Variants in CCNI2 observed in about 807,000 individuals in gnomAD.
The protein encoded by CCNI2 is cyclin I family member 2.
A neutral mutation model predicts 33.2 loss-of-function variants in CCNI2; 32 were observed. That is an observed-to-expected ratio of 0.96 (90% CI 0.73 to 1.30). The LOEUF is 1.30. Among genes scored for constraint, CCNI2 ranks in the 50% most tolerant of loss-of-function variants. The pLI, the probability that CCNI2 is intolerant of heterozygous loss-of-function variation, is 0.00. For missense variants in CCNI2, 452 were observed against 486.2 expected, an observed-to-expected ratio of 0.93 and a Z score of 0.66; for synonymous variants, 231 against 219.9, an observed-to-expected ratio of 1.05 and a Z score of -0.45.
chr5:132,747,588 G>A lies in CCNI2; in HGVS notation c.93G>A (p.Glu31=). 6.7e-7 allele frequency: 1 copy of A among 1,497,714 alleles called. No homozygotes were observed. Among genetic ancestry groups the A allele is most frequent in the Non-Finnish European group, 8.9e-7 (1 of 1,129,700 alleles). 92.8% of individuals were successfully genotyped at this position (1,497,714 alleles called of 1,614,324 possible). ...SPGGRPGAGL[E]ETALGVPLPP... The stretch of plus-strand genomic sequence containing the variant: ...GCGGGCGTCCCGGCGCCGGTCTGGA[G>A]GAAACAGCCCTGGGCGTTCCTCTCC... Residue 31 remains glutamate (E), a synonymous_variant, in exon 1 of 6, where the codon GAG becomes GAA. Transcript: ENST00000378731. The surrounding 1 kb of genome is among the most constrained non-coding windows in gnomAD (Gnocchi z 4.1).
intron 4 of CCNI2, chr5:132,751,710 T>G: frequency 1.8e-6 from 1 of 568,510 alleles, no homozygotes; most frequent in Non-Finnish European, 3.1e-6. Flanking sequence ...AACATTGTCA[T>G]CTAGGTACTT....
At chr5:132,750,615 A>G (rs145931983) in intron 3 of CCNI2, among the ~76,000 whole-genome samples, 36 of 152,350 alleles carry the variant, frequency 2.4e-4, no homozygotes, top group African/African-American at 8.7e-4. Context: ...ATGAGCTAGC[A>G]TGCAGCTGGG....
Position 132,754,112 on chromosome 5 carries a change from A to T in CCNI2, c.*1142A>T. On this transcript the variant is annotated 3_prime_UTR_variant, in exon 6 of 6. Transcript: ENST00000378731. The stretch of plus-strand genomic sequence containing the variant: ...TAGTATACATCTGTATTTTTTCTTG[A>T]CACACTTTTGCTTGTTGGTGCTTTC... The T allele has an allele frequency of 2.9e-6, 1 of 349,740 alleles. No homozygotes were observed. Among genetic ancestry groups the T allele is most frequent in the Non-Finnish European group, 5.3e-6 (1 of 188,390 alleles). The allele number at this position is 349,740 out of a possible 1,614,324, so 21.7% of individuals were successfully genotyped here.
Position 132,747,520 on chromosome 5 carries a change from C to T in CCNI2, c.25C>T (p.Pro9Ser). Residue 9 changes from proline to serine, a missense_variant, in exon 1 of 6, where the codon CCG (proline) becomes TCG (serine). By Grantham distance (74) the Pro-to-Ser change is moderately conservative (BLOSUM62 -1). Coordinates refer to ENST00000378731, the MANE Select transcript of CCNI2 (RefSeq NM_001039780.4). This position sits in a 1 kb window ranked among gnomAD's most constrained non-coding sequence, Gnocchi z 4.1. MASGAQLP[P>S]QPSSSEVSAV... The stretch of plus-strand genomic sequence containing the variant: ...CATGGCCTCGGGCGCTCAGCTCCCG[C>T]CGCAGCCGTCGAGCTCAGAGGTCAG... 6.7e-7 allele frequency: 1 copy of T among 1,499,040 alleles called. No homozygotes were observed. The highest frequency in any genetic ancestry group is 8.8e-7 in the Non-Finnish European group (1 of 1,132,384). 92.9% of individuals were successfully genotyped at this position (1,499,040 alleles called of 1,614,324 possible).
At chr5:132,748,262 C>A in intron 1 of CCNI2, 85 bp from the exon 2 acceptor site, 1 of 1,562,588 alleles carries the variant, frequency 6.4e-7, no homozygotes, top group Non-Finnish European at 8.7e-7. Context: ...ACCCCCCGCA[C>A]CTTAAGCAGG....
Position 132,747,460 on chromosome 5 carries a change from T to TA in CCNI2, c.-34dup, listed in dbSNP as rs1378484289. 2 of 1,405,288 alleles carry TA rather than the reference T, an allele frequency of 1.4e-6. No homozygotes were observed. The allele number at this position is 1,405,288 out of a possible 1,614,324, so 87.1% of individuals were successfully genotyped here. On this transcript the variant is annotated 5_prime_UTR_variant, in exon 1 of 6. Coordinates refer to ENST00000378731, the MANE Select transcript of CCNI2 (RefSeq NM_001039780.4). This position sits in a 1 kb window ranked among gnomAD's most constrained non-coding sequence, Gnocchi z 4.1. Reference sequence around the variant, plus strand: ...GGAGCTGGGTTATAAAATGCCGGGTTAAGCGGCAACTCAGACTCAGGATCC... The same window carrying TA: ...GGAGCTGGGTTATAAAATGCCGGGTTAAAGCGGCAACTCAGACTCAGGATCC...
chr5:132,747,464 C>T lies in CCNI2; in HGVS notation c.-32C>T. On this transcript the variant is annotated 5_prime_UTR_variant, in exon 1 of 6. Transcript: ENST00000378731. This position sits in a 1 kb window ranked among gnomAD's most constrained non-coding sequence, Gnocchi z 4.1. ...CTGGGTTATAAAATGCCGGGTTAAG[C>T]GGCAACTCAGACTCAGGATCCCGCT... is the stretch of plus-strand genomic sequence containing the variant. 16 of 1,411,284 alleles carry T rather than the reference C, an allele frequency of 1.1e-5. No individual in the cohort carries two copies. Among genetic ancestry groups the T allele is most frequent in the Non-Finnish European group, 1.5e-5 (16 of 1,089,396 alleles). 87.4% of individuals were successfully genotyped at this position (1,411,284 alleles called of 1,614,324 possible).
chr5:132,753,154 C>G lies in CCNI2; in HGVS notation c.*184C>G, dbSNP rs958847555. Reference sequence around the variant, plus strand: ...ATAAAGGGGAGAGGGGAAAGGCAGGCTGAGGTCAGTAGAGGTCAGGGTGGT... The same window carrying G: ...ATAAAGGGGAGAGGGGAAAGGCAGGGTGAGGTCAGTAGAGGTCAGGGTGGT... On this transcript the variant is annotated 3_prime_UTR_variant, in exon 6 of 6. Coordinates refer to ENST00000378731, the MANE Select transcript of CCNI2 (RefSeq NM_001039780.4). The G allele has an allele frequency of 4.9e-6, 3 of 608,040 alleles. No homozygotes were observed. The highest frequency in any genetic ancestry group is 8.8e-6 in the Non-Finnish European group (3 of 342,818). 37.7% of individuals were successfully genotyped at this position (608,040 alleles called of 1,614,324 possible).
intron 4 of CCNI2, 138 bp downstream of exon 4, chr5:132,751,135 C>T: frequency 1.1e-6 from 1 of 897,130 alleles, no homozygotes; most frequent in South Asian, 1.8e-5. Context: ...GCACAAGGCT[C>T]ATGACATACG....
In CCNI2 at chr5:132,747,555, G is replaced by T; in HGVS notation, c.60G>T (p.Gln20His). The T allele has an allele frequency of 6.7e-7, 1 of 1,501,580 alleles. No homozygotes were observed. Among genetic ancestry groups the T allele is most frequent in the Non-Finnish European group, 8.8e-7 (1 of 1,131,606 alleles). The allele number at this position is 1,501,580 out of a possible 1,614,324, so 93.0% of individuals were successfully genotyped here. A position where few individuals can be genotyped will look rare whatever the true frequency, so the allele number is the denominator to read the frequency against. ...CGAGCTCAGAGGTCAGCGCCGTCCA[G>T]AGCCCAGGCGGGCGTCCCGGCGCCG... ...QPSSSEVSAV[Q>H]SPGGRPGAGL... The change falls in exon 1 of 6, where the codon CAG becomes CAT. Residue 20 changes from glutamine to histidine, a missense_variant. Coordinates refer to ENST00000378731, the MANE Select transcript of CCNI2 (RefSeq NM_001039780.4). The surrounding 1 kb of genome is among the most constrained non-coding windows in gnomAD (Gnocchi z 4.1).
chr5:132,751,030 A>G, intron 4 of CCNI2, 33 bp downstream of exon 4: 3 of 1,606,384 alleles, frequency 1.9e-6, no homozygotes, highest in Non-Finnish European at 2.5e-6. Flanking sequence ...AGTCTACCCT[A>G]AACTCGTTTG....
In CCNI2 at chr5:132,747,572, C is replaced by T. The variant is rs1400223857; in HGVS notation, c.77C>T (p.Pro26Leu). Reference sequence around the variant, plus strand: ...GCCGTCCAGAGCCCAGGCGGGCGTCCCGGCGCCGGTCTGGAGGAAACAGCC... The same window carrying T: ...GCCGTCCAGAGCCCAGGCGGGCGTCTCGGCGCCGGTCTGGAGGAAACAGCC... ...VSAVQSPGGR[P>L]GAGLEETALG... Residue 26 changes from proline to leucine, a missense_variant, in exon 1 of 6, where the codon CCC becomes CTC. Physicochemically the swap from Pro to Leu is moderately conservative, Grantham distance 98. Coordinates refer to ENST00000378731, the MANE Select transcript of CCNI2 (RefSeq NM_001039780.4). This position sits in a 1 kb window ranked among gnomAD's most constrained non-coding sequence, Gnocchi z 4.1. 6 of 1,495,022 alleles carry T rather than the reference C, an allele frequency of 4.0e-6. No individual in the cohort carries two copies. Among genetic ancestry groups the T allele is most frequent in the Non-Finnish European group, 5.3e-6 (6 of 1,128,420 alleles). 92.6% of individuals were successfully genotyped at this position (1,495,022 alleles called of 1,614,324 possible).
chr5:132,751,722 C>G (rs1754856247), intron 4 of CCNI2: 1 of 576,672 alleles, frequency 1.7e-6, no homozygotes, highest in Non-Finnish European at 3.0e-6. Flanking sequence ...TAGGTACTTT[C>G]CGCTCATAAC....
Position 132,754,210 on chromosome 5 carries a change from G to T in CCNI2, c.*1240G>T. 1 of 544,654 alleles carries T rather than the reference G, an allele frequency of 1.8e-6. No individual in the cohort carries two copies. The highest frequency in any genetic ancestry group is 3.3e-6 in the Non-Finnish European group (1 of 302,936). 33.7% of individuals were successfully genotyped at this position (544,654 alleles called of 1,614,324 possible). A position where few individuals can be genotyped will look rare whatever the true frequency, so the allele number is the denominator to read the frequency against. On this transcript the variant is annotated 3_prime_UTR_variant, in exon 6 of 6. Coordinates refer to ENST00000378731, the MANE Select transcript of CCNI2 (RefSeq NM_001039780.4). ...TGAGCTACCATGCATTTAGCCTTGC[G>T]AGAGTCAGATACATTTGGAACACTA...
chr5:132,749,259 A>G (rs1754707163), intron 2 of CCNI2, 89 bp from the exon 3 acceptor site: 1 of 1,110,306 alleles, frequency 9.0e-7, no homozygotes, highest in Non-Finnish European at 1.4e-6. Context: ...CCATGTCAAA[A>G]AAGTGTATAA....
intron 5 of CCNI2, 49 bp downstream of exon 5, chr5:132,752,245 G>A: frequency 6.6e-7 from 1 of 1,524,814 alleles, no homozygotes; most frequent in Non-Finnish European, 8.8e-7. Flanking sequence ...TGCCCCTTTA[G>A]CTGACACACT....
chr5:132,751,773 G>C, intron 4 of CCNI2, 193 bp from the exon 5 acceptor site: 1 of 624,444 alleles, frequency 1.6e-6, no homozygotes, highest in Non-Finnish European at 2.7e-6. Flanking sequence ...TTTTGGTCCC[G>C]GAGTGGAAGC....
Position 132,747,796 on chromosome 5 carries a change from C to A in CCNI2, c.301C>A (p.Pro101Thr). 1 of 1,478,154 alleles carries A rather than the reference C, an allele frequency of 6.8e-7. No homozygotes were observed. Among genetic ancestry groups the A allele is most frequent in the Non-Finnish European group, 8.9e-7 (1 of 1,122,202 alleles). The allele number at this position is 1,478,154 out of a possible 1,614,324, so 91.6% of individuals were successfully genotyped here. Reference sequence around the variant, plus strand: ...CCCCGCCGCCGCCCCAGAGCAAGCTCCGCGGCCGGCTCCACAGTCCCGCAA... The same window carrying A: ...CCCCGCCGCCGCCCCAGAGCAAGCTACGCGGCCGGCTCCACAGTCCCGCAA... ...AVPAAAPEQA[P>T]RPAPQSRKPR... Residue 101 changes from proline (P) to threonine (T), a missense_variant, in exon 1 of 6, where the codon CCG becomes ACG. Coordinates refer to ENST00000378731, the MANE Select transcript of CCNI2 (RefSeq NM_001039780.4). This position sits in a 1 kb window ranked among gnomAD's most constrained non-coding sequence, Gnocchi z 4.1.
chr5:132,751,099 T>C (rs1754807961), intron 4 of CCNI2, 102 bp downstream of exon 4: 2 of 1,345,742 alleles, frequency 1.5e-6, no homozygotes, highest in African/African-American at 1.4e-5. Flanking sequence ...GCACACGCCC[T>C]TGCACATGCA....
Sources: gnomAD v4.1 joint callset for allele counts (sites outside exome capture counted in the v4.1 genomes callset) on GRCh38, gnomAD v4.1.1 for gene constraint, Gnocchi (gnomAD v3.1) non-coding constraint, MANE v1.5 for transcripts, NCBI Gene and HGNC (gene_info 2026-07-23, HGNC 2026-07-21) for gene names.